PACSIN2: variants seen among roughly 807,000 people sequenced by gnomAD.
The protein encoded by PACSIN2 is protein kinase C and casein kinase substrate in neurons protein 2.
PACSIN2 carries 25 observed loss-of-function variants against 63.8 expected under a neutral mutation model. The observed-to-expected ratio is 0.39, with a 90% CI of 0.29 to 0.55. The LOEUF is 0.55. Among genes scored for constraint, PACSIN2 ranks in the 20% least tolerant of loss-of-function variants. The pLI is 0.62. For missense variants in PACSIN2, 518 were observed against 646.9 expected (o/e 0.80, Z 2.16); for synonymous variants, 255 against 256.2 (o/e 1.00, Z 0.05).
chr22:43,006,154 A>G (rs568416953), intron 1 of PACSIN2, among the ~76,000 whole-genome samples: 1 of 152,136 alleles, frequency 6.6e-6, no homozygotes, highest in African/African-American at 2.4e-5. Context: ...ATGTGAAGCT[A>G]TAAGAAGTCA....
At chr22:42,887,605 G>A (rs1009616479) in intron 5 of PACSIN2, among the ~76,000 whole-genome samples, 9 of 152,058 alleles carry the variant, frequency 5.9e-5, no homozygotes, top group African/African-American at 2.2e-4. Flanking sequence ...CAGGCCCTCG[G>A]CAATCACACC....
chr22:42,937,494 A>G (rs1569297290), intron 1 of PACSIN2, among the ~76,000 whole-genome samples: 1 of 152,116 alleles, frequency 6.6e-6, no homozygotes, highest in Non-Finnish European at 1.5e-5. Context: ...CCCCACCACC[A>G]AAGTCCACCT....
intron 3 of PACSIN2, among the ~76,000 whole-genome samples, chr22:42,891,713 T>C (rs1361239092): frequency 3.9e-5 from 6 of 152,196 alleles, no homozygotes; most frequent in Admixed American, 3.3e-4. Flanking sequence ...GCCATGCCTT[T>C]CCTTTATTTA....
rs116836472 is a variant in PACSIN2 at position 42,985,574 on chromosome 22, A to G, written c.-78+29447T>C. On this transcript the variant is annotated intron_variant, in intron 1 of 10. Transcript: ENST00000263246. Reference sequence around the variant, plus strand: ...ACTGCCTCCAGCCCTCGCTCGGCCAACCCCTGAGAAGGACCCACCTGGTTT... The same window carrying G: ...ACTGCCTCCAGCCCTCGCTCGGCCAGCCCCTGAGAAGGACCCACCTGGTTT... Among the ~76,000 whole-genome samples the G allele has an allele frequency of 4.0e-3, 603 of 152,222 alleles. 3 individuals carry two copies. The highest frequency in any genetic ancestry group is 0.014 in the African/African-American group (567 of 41,520).
intron 1 of PACSIN2, among the ~76,000 whole-genome samples, chr22:42,958,837 G>A (rs1201282849): frequency 1.3e-5 from 2 of 152,210 alleles, no homozygotes; most frequent in Non-Finnish European, 2.9e-5. Context: ...CAGTAATCCA[G>A]TAAGTATAAT....
chr22:42,878,977 T>G lies in PACSIN2; in HGVS notation c.1028+71A>C, dbSNP rs1006316208. The G allele has an allele frequency of 1.4e-5, 22 of 1,550,518 alleles. No individual in the cohort carries two copies. The African/African-American group carries it at 2.4e-4, about 17-fold the overall frequency. On this transcript the variant is annotated intron_variant, in intron 8 of 10. Transcript: ENST00000263246. Reference sequence around the variant, plus strand: ...CCAGGTGTCCAGGCCGGGGCTGCCCTGGACCATGCAGATTGCCCAGGGCCC... The same window carrying G: ...CCAGGTGTCCAGGCCGGGGCTGCCCGGGACCATGCAGATTGCCCAGGGCCC...
intron 1 of PACSIN2, among the ~76,000 whole-genome samples, chr22:43,007,611 C>G (rs556444537): frequency 1.2e-4 from 19 of 152,202 alleles, no homozygotes; most frequent in Non-Finnish European, 2.6e-4. Context: ...CAATCCCTCC[C>G]AAGTCACTTC....
At chr22:42,885,708 G>GACCT (rs1929424566) in intron 5 of PACSIN2, among the ~76,000 whole-genome samples, 1 of 152,168 alleles carries the variant, frequency 6.6e-6, no homozygotes, top group South Asian at 2.1e-4. Flanking sequence ...AGCCTCGTGA[G>GACCT]ACCAGGTTCC....
chr22:43,002,285 T>C (rs1923819090), intron 1 of PACSIN2: 1 of 152,032 alleles, frequency 6.6e-6, no homozygotes, highest in African/African-American at 2.4e-5. Flanking sequence ...AAAAGAAAGC[T>C]AGAGAAGGTC....
intron 1 of PACSIN2, among the ~76,000 whole-genome samples, chr22:42,967,493 C>T (rs552532058): frequency 6.6e-6 from 1 of 152,332 alleles, no homozygotes; most frequent in East Asian, 1.9e-4. Context: ...AATGAAAAGC[C>T]TTAAACTAAA....
At chr22:42,982,050 C>T (rs1318588997) in intron 1 of PACSIN2, among the ~76,000 whole-genome samples, 7 of 110,544 alleles carry the variant, frequency 6.3e-5, no homozygotes, top group East Asian at 3.0e-4. Flanking sequence ...AGGTGAGGGG[C>T]GCCTCTGCCC....
chr22:42,907,845 T>C (rs1021350192), intron 2 of PACSIN2, among the ~76,000 whole-genome samples: 2 of 152,188 alleles, frequency 1.3e-5, no homozygotes, highest in African/African-American at 2.4e-5. Context: ...AGAATTGGTA[T>C]GGAAGGATGG....
At chr22:42,972,243 A>C (rs867818322) in intron 1 of PACSIN2, among the ~76,000 whole-genome samples, 1 of 152,202 alleles carries the variant, frequency 6.6e-6, no homozygotes, top group South Asian at 2.1e-4. Flanking sequence ...TGCTGTGTCC[A>C]CTCAGGGTTA....
intron 1 of PACSIN2, among the ~76,000 whole-genome samples, chr22:42,919,360 CAAAG>C (rs1932014206): frequency 6.6e-6 from 1 of 152,146 alleles, no homozygotes; most frequent in African/African-American, 2.4e-5. Context: ...TGAGAAAGTG[CAAAG>C]TGACAGACAA....
intron 2 of PACSIN2, among the ~76,000 whole-genome samples, chr22:42,898,732 C>CCAGGCCGG (rs1188237913): frequency 5.3e-5 from 8 of 152,150 alleles, no homozygotes; most frequent in African/African-American, 1.9e-4. Context: ...CTGCCCTCCT[C>CCAGGCCGG]CAGGCTGCAC....
At position 42,891,164 on chromosome 22, in the gene PACSIN2, A is replaced by G; in HGVS notation, c.236T>C (p.Val79Ala). ...LVEKGPQYGT[V>A]EKAWMAFMSE... ...CATGAAGGCCATCCAGGCCTTCTCC[A>G]CGGTCCCGTACTGGGGCCCTGTGCA... Residue 79 changes from valine (V) to alanine (A), a missense_variant, in exon 4 of 11, where the codon GTG becomes GCG. By Grantham distance (64) the Val-to-Ala change is moderately conservative. Around this residue, in one of 2 missense-constraint regions of PACSIN2, gnomAD observed 507 missense variants for 612.3 expected, o/e 0.83. Transcript: ENST00000263246. 1.2e-6 allele frequency: 2 copies of G among 1,613,610 alleles called. No individual in the cohort carries two copies. The highest frequency in any genetic ancestry group is 1.7e-4 in the Middle Eastern group (1 of 6,006).
chr22:42,896,993 G>A (rs1930335190), intron 2 of PACSIN2, among the ~76,000 whole-genome samples: 1 of 152,008 alleles, frequency 6.6e-6, no homozygotes, highest in Non-Finnish European at 1.5e-5. Flanking sequence ...CTAGAGTGCA[G>A]TGCCACAATC....
intron 7 of PACSIN2, among the ~76,000 whole-genome samples, chr22:42,879,512 A>T: frequency 6.6e-6 from 1 of 151,888 alleles, no homozygotes; most frequent in Non-Finnish European, 1.5e-5. Flanking sequence ...CCTGTTCCTG[A>T]CCCCACCCAC....
chr22:42,874,912 G>A (rs554132121), intron 10 of PACSIN2, among the ~76,000 whole-genome samples: 37 of 148,238 alleles, frequency 2.5e-4, no homozygotes, highest in African/African-American at 8.7e-4. Context: ...GTGCAGTGGC[G>A]CAATCTCGGC....
Sources: allele counts gnomAD v4.1 joint callset (sites outside exome capture counted in the v4.1 genomes callset), GRCh38; gene constraint gnomAD v4.1.1; regional missense constraint gnomAD v4.1.1; transcripts MANE v1.5; gene names NCBI Gene and HGNC (gene_info 2026-07-23, HGNC 2026-07-21).